Variants in MTA3 observed in about 807,000 individuals in gnomAD.
The protein encoded by MTA3 is metastasis-associated protein MTA3.
MTA3 carries 34 observed loss-of-function variants against 83.5 expected under a neutral mutation model. That is an observed-to-expected ratio of 0.41 (90% CI 0.31 to 0.54). MTA3 has a LOEUF of 0.54. MTA3 is among the 20% of genes least tolerant of loss of function. The pLI is 0.33. For missense variants in MTA3, 761 were observed against 726.4 expected, an observed-to-expected ratio of 1.05 and a Z score of -0.55; for synonymous variants, 303 against 252.7, an observed-to-expected ratio of 1.20 and a Z score of -1.89.
intron 14 of MTA3, among the ~76,000 whole-genome samples, chr2:42,718,019 A>G (rs1667147469): frequency 6.6e-6 from 1 of 151,808 alleles, no homozygotes; most frequent in African/African-American, 2.4e-5. Context: ...ATAAAAAAGC[A>G]TGAGTGTGTT....
rs1261947616 is a variant in MTA3, at chr2:42,644,138, C to T, written c.393C>T (p.Phe131=). The T allele has an allele frequency of 1.3e-6, 2 of 1,598,044 alleles. No individual in the cohort carries two copies. The highest frequency in any genetic ancestry group is 2.3e-5 in the East Asian group (1 of 44,096). ...GTCATATTTTTCAGGATACCTTCTT[C>T]TACTCATTGGTCTATGACCCCTCAT... ...LSYLDKEDTF[F]YSLVYDPSLK... Residue 131 remains phenylalanine (F), a synonymous_variant, in exon 6 of 17, where the codon TTC becomes TTT. Transcript: ENST00000405094.
intron 16 of MTA3, among the ~76,000 whole-genome samples, chr2:42,741,741 T>G (rs1669046141): frequency 6.6e-6 from 1 of 152,134 alleles, no homozygotes; most frequent in Non-Finnish European, 1.5e-5. Flanking sequence ...TTTCCCATCT[T>G]ATATGGGCAT....
At chr2:42,621,013 ACAT>A (rs796746253) in intron 4 of MTA3, among the ~76,000 whole-genome samples, 11 of 152,240 alleles carry the variant, frequency 7.2e-5, no homozygotes, top group African/African-American at 2.2e-4. Context: ...ATACATCAAA[ACAT>A]CATGTTGTAC....
intron 6 of MTA3, among the ~76,000 whole-genome samples, chr2:42,655,849 T>G (rs914756346): frequency 1.3e-5 from 2 of 152,190 alleles, no homozygotes; most frequent in Non-Finnish European, 2.9e-5. Flanking sequence ...GTGATCTGTC[T>G]GCCTCGGCCT....
intron 16 of MTA3, chr2:42,723,261 C>A: frequency 5.8e-6 from 3 of 519,838 alleles, no homozygotes; most frequent in African/African-American, 1.9e-5. Flanking sequence ...TGTTAGGAGG[C>A]GTTTTTGGAG....
chr2:42,713,550 A>T (rs1283233584), intron 14 of MTA3, among the ~76,000 whole-genome samples: 1 of 152,196 alleles, frequency 6.6e-6, no homozygotes. Context: ...AAGTGGTTAC[A>T]AATCTCATCA....
chr2:42,570,129 C>T (rs1019694225), intron 1 of MTA3, among the ~76,000 whole-genome samples: 10 of 152,042 alleles, frequency 6.6e-5, no homozygotes, highest in African/African-American at 1.9e-4. Context: ...ACATGTTTAG[C>T]GTGCCCTGAC....
intron 4 of MTA3, among the ~76,000 whole-genome samples, chr2:42,623,352 A>G (rs1573349081): frequency 6.6e-6 from 1 of 152,298 alleles, no homozygotes; most frequent in East Asian, 1.9e-4. Context: ...TAAAACCTGC[A>G]TGCTTTTTAT....
intron 1 of MTA3, 143 bp downstream of exon 1, chr2:42,568,916 G>T: frequency 1.2e-6 from 1 of 834,626 alleles, no homozygotes; most frequent in Non-Finnish European, 1.6e-6. Flanking sequence ...CCGCAGAGGG[G>T]CCGGGACTCC....
chr2:42,645,522 C>A (rs1325032865), intron 6 of MTA3, among the ~76,000 whole-genome samples: 1 of 113,302 alleles, frequency 8.8e-6, no homozygotes, highest in African/African-American at 3.7e-5. Context: ...GAGACTTTGT[C>A]TAAAAAACAA....
chr2:42,607,282 C>T (rs1002796343), intron 3 of MTA3, among the ~76,000 whole-genome samples: 1 of 152,130 alleles, frequency 6.6e-6, no homozygotes, highest in Non-Finnish European at 1.5e-5. Context: ...GTACCTTAAG[C>T]GTATGTGGGT....
chr2:42,533,522 T>TTTA (rs1479254945), intron 2 of MTA3: 3 of 145,434 alleles, frequency 2.1e-5, no homozygotes, highest in African/African-American at 7.5e-5. Context: ...TTTCTTTTCT[T>TTTA]TTTTTTTTTT....
chr2:42,557,216 C>T lies in MTA3; in HGVS notation c.-140-13221C>T, dbSNP rs552486686. ...AGATATCGCACCACTGCACTTCAGC[C>T]TGGGAGGAGCCGAGATCGCGCCACT... On this transcript the variant is annotated intron_variant, in intron 2 of 17. Coordinates refer to the MTA3 transcript ENST00000405592. Among the ~76,000 whole-genome samples, 115 of 152,064 alleles carry T rather than the reference C, an allele frequency of 7.6e-4. 1 individual carries two copies. Among genetic ancestry groups the T allele is most frequent in the African/African-American group, 2.7e-3 (111 of 41,472 alleles).
At chr2:42,518,425 C>T (rs1369525721) in intron 2 of MTA3, among the ~76,000 whole-genome samples, 1 of 152,136 alleles carries the variant, frequency 6.6e-6, no homozygotes, top group Non-Finnish European at 1.5e-5. Flanking sequence ...CACAGAAGAA[C>T]CAACCGAAAG....
intron 12 of MTA3, among the ~76,000 whole-genome samples, chr2:42,707,369 G>C (rs1489426912): frequency 6.6e-6 from 1 of 151,564 alleles, no homozygotes; most frequent in Non-Finnish European, 1.5e-5. Flanking sequence ...TCAGCCTACC[G>C]AGTAGCTAGG....
chr2:42,716,364 G>A (rs550490690), intron 14 of MTA3, among the ~76,000 whole-genome samples: 5 of 152,244 alleles, frequency 3.3e-5, no homozygotes, highest in East Asian at 3.9e-4. Flanking sequence ...GGGTACATGT[G>A]CAGGTTTGTT....
chr2:42,623,075 A>C (rs1056173890), intron 4 of MTA3, among the ~76,000 whole-genome samples: 2 of 152,222 alleles, frequency 1.3e-5, no homozygotes, highest in South Asian at 4.1e-4. Flanking sequence ...AGTAAATGGT[A>C]CCAAGTCAGT....
At chr2:42,567,691 A>T (rs1455862949), upstream of MTA3, among the ~76,000 whole-genome samples, 1 of 151,762 alleles carries the variant, frequency 6.6e-6, no homozygotes, top group Non-Finnish European at 1.5e-5. Context: ...CCGTGAAAAC[A>T]GAGGTTGTTT....
chr2:42,540,434 A>T (rs1297727381), intron 2 of MTA3, among the ~76,000 whole-genome samples: 1 of 151,802 alleles, frequency 6.6e-6, no homozygotes, highest in African/African-American at 2.4e-5. Context: ...TTGGCCTCCC[A>T]AAGAGTTGGG....
Sources: gnomAD v4.1 joint callset for allele counts (sites outside exome capture counted in the v4.1 genomes callset) on GRCh38, gnomAD v4.1.1 for gene constraint, MANE v1.5 for transcripts, NCBI Gene and HGNC (gene_info 2026-07-23, HGNC 2026-07-21) for gene names.